Variants in ALDH1L1 observed in about 807,000 individuals in gnomAD.
The protein encoded by ALDH1L1 is aldehyde dehydrogenase 1 family member L1.
Under a neutral mutation model 101.1 loss-of-function variants are expected in ALDH1L1, and 68 were observed. That is an observed-to-expected ratio of 0.67 (90% CI 0.55 to 0.82). The LOEUF (loss-of-function observed/expected upper bound fraction) is 0.82, where lower values mean the gene tolerates loss of function less well. Ranked by LOEUF, ALDH1L1 falls within the 40% of genes least tolerant of loss-of-function variation. The pLI is 0.00. For synonymous variants in ALDH1L1, 486 were observed against 470.8 expected (o/e 1.03, Z -0.42); for missense variants, 1,087 against 1,172.7 (o/e 0.93, Z 1.07).
At chr3:126,117,890 G>A (rs569362431) in intron 17 of ALDH1L1, 115 bp downstream of exon 17, 42 of 1,046,990 alleles carry the variant, frequency 4.0e-5, no homozygotes, top group African/African-American at 1.9e-4. Flanking sequence ...GCAGGGCCAC[G>A]GAAGTGGCTG....
chr3:126,168,634 A>C (rs2081215272), intron 1 of ALDH1L1, among the ~76,000 whole-genome samples: 1 of 152,128 alleles, frequency 6.6e-6, no homozygotes. Context: ...TCCCCAAATC[A>C]AACTTTAGTC....
rs748273896 is a variant in ALDH1L1, at chr3:126,124,349, G to C, written c.1888+15C>G. 1.2e-6 allele frequency: 2 copies of C among 1,603,464 alleles called. No individual in the cohort carries two copies. The highest frequency in any genetic ancestry group is 2.7e-5 in the African/African-American group (2 of 74,248). On this transcript the variant is annotated intron_variant, in intron 16 of 22. Transcript: ENST00000393434. ...TGCCAGAAGCCCTAGCCCTGCCCCC[G>C]ACAATGGCTCTTACCAGATCCTGGG...
At chr3:126,129,224 G>A (rs6763254) in intron 14 of ALDH1L1, 96,640 of 152,140 alleles carry the variant, frequency 0.64, 30,802 homozygotes, top group Middle Eastern at 0.7. Context: ...CCTCCAGCCC[G>A]TGCTTGAGGA....
chr3:126,182,065 C>G (rs1266171804), upstream of ALDH1L1, among the ~76,000 whole-genome samples: 4 of 152,230 alleles, frequency 2.6e-5, no homozygotes, highest in African/African-American at 9.6e-5. Context: ...TTTCCCTAGC[C>G]TCAGCCTTAC....
intron 1 of ALDH1L1, among the ~76,000 whole-genome samples, chr3:126,189,497 A>C (rs1693750474): frequency 6.6e-6 from 1 of 152,162 alleles, no homozygotes; most frequent in South Asian, 2.1e-4. Flanking sequence ...AACCCAGCCA[A>C]GGTTCAAGGC....
Position 126,103,571 on chromosome 3 carries a change from C to T in ALDH1L1, c.*220G>A, listed in dbSNP as rs1945752356. ...AGAGAAACGCAGAGATGTGGACGGT[C>T]TCTCTTCAGAAGCTTTATTCTCCCT... On this transcript the variant is annotated 3_prime_UTR_variant, in exon 23 of 23. Coordinates refer to ENST00000393434, the MANE Select transcript of ALDH1L1 (RefSeq NM_012190.4). 1.7e-6 allele frequency: 1 copy of T among 591,692 alleles called. No individual in the cohort carries two copies. 36.7% of individuals were successfully genotyped at this position (591,692 alleles called of 1,614,324 possible).
chr3:126,146,852 C>G lies in ALDH1L1; in HGVS notation c.1059G>C (p.Ala353=). 6.2e-7 allele frequency: 1 copy of G among 1,614,086 alleles called. No individual in the cohort carries two copies. Among genetic ancestry groups the G allele is most frequent in the Middle Eastern group, 1.7e-4 (1 of 6,060 alleles). The change falls in exon 9 of 23, where the codon GCG becomes GCC. Residue 353 remains alanine, a synonymous_variant. Transcript: ENST00000393434. The stretch of plus-strand genomic sequence containing the variant: ...GGCCTTACCTCACAACGTCCACAGA[C>G]GCGGCCCCTGACTTGAAGAAATCAG... The part of the protein sequence containing the change: ...DSTDFFKSGA[A]SVDVVRLVEE...
At chr3:126,123,310 T>C (rs972432159) in intron 16 of ALDH1L1, among the ~76,000 whole-genome samples, 12 of 150,880 alleles carry the variant, frequency 8.0e-5, no homozygotes, top group Non-Finnish European at 1.5e-5. Context: ...CAGGCTGAAG[T>C]GCAGTGGCAC....
At chr3:126,106,237 G>A (rs1010369359) in intron 21 of ALDH1L1, among the ~76,000 whole-genome samples, 24 of 152,324 alleles carry the variant, frequency 1.6e-4, no homozygotes, top group Admixed American at 3.3e-4. Context: ...ACATGTGCCC[G>A]CCGCAGGTTG....
At position 126,105,712 on chromosome 3, in the gene ALDH1L1, C is replaced by T; in HGVS notation, c.2653+14G>A. ...GAATAAATGAAAGCAACCCCACAGG[C>T]AGGAGTAGGTTACCTAGATCTTTGC... On this transcript the variant is annotated intron_variant, in intron 22 of 22. Transcript: ENST00000393434. The T allele has an allele frequency of 6.2e-7, 1 of 1,614,108 alleles. No homozygotes were observed. The highest frequency in any genetic ancestry group is 8.5e-7 in the Non-Finnish European group (1 of 1,179,936).
chr3:126,174,079 C>T (rs575800053), intron 1 of ALDH1L1, among the ~76,000 whole-genome samples: 118 of 152,306 alleles, frequency 7.7e-4, no homozygotes, highest in African/African-American at 2.8e-3. Context: ...ACTCTTGTTG[C>T]CCAGGCTGGA....
chr3:126,125,448 C>T (rs900359117), intron 15 of ALDH1L1, among the ~76,000 whole-genome samples, 168 bp downstream of exon 15: 3 of 152,218 alleles, frequency 2.0e-5, no homozygotes, highest in African/African-American at 4.8e-5. Flanking sequence ...CTGCCACATA[C>T]GCCTCTGCCC....
intron 17 of ALDH1L1, among the ~76,000 whole-genome samples, chr3:126,116,745 T>C (rs1350729192): frequency 6.6e-6 from 1 of 152,210 alleles, no homozygotes; most frequent in Non-Finnish European, 1.5e-5. Flanking sequence ...GCTCCACCTG[T>C]GGTCTGGCCC....
chr3:126,111,788 A>G (rs2886240), intron 19 of ALDH1L1, among the ~76,000 whole-genome samples: 21,622 of 152,126 alleles, frequency 0.14, 3,129 homozygotes, highest in African/African-American at 0.37. Flanking sequence ...CATCCCTGCC[A>G]CTATCCACTG....
At chr3:126,112,729 GGC>G (rs4646744) in intron 19 of ALDH1L1, 51 bp downstream of exon 19, 605,013 of 1,558,774 alleles carry the variant, frequency 0.39, 120,579 homozygotes, top group African/African-American at 0.6. Context: ...CCTCCAGCCA[GGC>G]GCTGCTGTCC....
intron 1 of ALDH1L1, among the ~76,000 whole-genome samples, chr3:126,193,420 C>T (rs1043609074): frequency 6.6e-6 from 1 of 152,186 alleles, no homozygotes. Flanking sequence ...CAGTCCAAAA[C>T]AATTGGCCTC....
intron 9 of ALDH1L1, among the ~76,000 whole-genome samples, chr3:126,139,813 G>T (rs1167002104): frequency 6.6e-6 from 1 of 152,122 alleles, no homozygotes; most frequent in Non-Finnish European, 1.5e-5. Context: ...CAGTAGTTTT[G>T]AGCAGGCTGA....
chr3:126,109,236 G>A (rs1351432287), intron 20 of ALDH1L1, among the ~76,000 whole-genome samples: 1 of 152,182 alleles, frequency 6.6e-6, no homozygotes, highest in Non-Finnish European at 1.5e-5. Context: ...AGACAGTCAT[G>A]GCACCTGTCC....
chr3:126,146,107 A>G (rs2080671840), intron 9 of ALDH1L1, among the ~76,000 whole-genome samples: 1 of 152,170 alleles, frequency 6.6e-6, no homozygotes, highest in African/African-American at 2.4e-5. Context: ...TGCATGGTCA[A>G]TTGCAAAACT....
Sources: gnomAD v4.1 joint callset for allele counts (sites outside exome capture counted in the v4.1 genomes callset) on GRCh38, gnomAD v4.1.1 for gene constraint, MANE v1.5 for transcripts, NCBI Gene and HGNC (gene_info 2026-07-23, HGNC 2026-07-21) for gene names.